The following VPS13D variants were observed in gnomAD, a reference collection of about 807,000 sequenced individuals.
VPS13D encodes the protein intermembrane lipid transfer protein VPS13D.
VPS13D carries 187 observed loss-of-function variants against 461.9 expected under a neutral mutation model. The ratio of observed to expected loss-of-function variants is 0.40; its 90% CI spans 0.36 to 0.46. The LOEUF (loss-of-function observed/expected upper bound fraction) is 0.46, where lower values mean the gene tolerates loss of function less well. Ranked by LOEUF, VPS13D falls within the 20% of genes least tolerant of loss-of-function variation. The probability of loss-of-function intolerance (pLI) is 0.60; values close to 1 mark genes in which losing one functional copy is unlikely to be tolerated. For missense variants in VPS13D, 4,711 were observed against 5,364.9 expected, an observed-to-expected ratio of 0.88 and a Z score of 3.81; for synonymous variants, 1,951 against 1,986.3, an observed-to-expected ratio of 0.98 and a Z score of 0.47.
chr1:12,256,351 A>G lies in VPS13D; in HGVS notation c.688A>G (p.Met230Val). The change falls in exon 8 of 70, where the codon ATG (methionine) becomes GTG (valine). Residue 230 changes from methionine (M) to valine (V), a missense_variant. Physicochemically the swap from Met to Val is conservative, Grantham distance 21. This residue lies in a region of VPS13D where 4,411 missense variants were observed against 4,937.8 expected (regional missense o/e 0.89). Transcript: ENST00000620676. ...CACACAGGAGGCCATGGCCAGGAGC[A>G]TGGAGAGTCGCAGCCATCACTACGT... ...MELQEAMARS[M>V]ESRSHHYVLE... 2 of 1,613,924 alleles carry G rather than the reference A, an allele frequency of 1.2e-6. No homozygotes were observed. The highest frequency in any genetic ancestry group is 2.2e-5 in the East Asian group (1 of 44,890).
Position 12,341,962 on chromosome 1 carries a change from G to T in VPS13D, c.8732+77G>T. On this transcript the variant is annotated intron_variant, in intron 41 of 69. Transcript: ENST00000620676. Reference sequence around the variant, plus strand: ...TTGTGCCAGCCCAGTAGAGCAAGGTGGGCCCCCTCTTGAGGCTCTTGGGAT... The same window carrying T: ...TTGTGCCAGCCCAGTAGAGCAAGGTTGGCCCCCTCTTGAGGCTCTTGGGAT... 3 of 1,384,968 alleles carry T rather than the reference G, an allele frequency of 2.2e-6. No individual in the cohort carries two copies. In the East Asian group the frequency reaches 7.0e-5, roughly 32 times the overall value. 85.8% of individuals were successfully genotyped at this position (1,384,968 alleles called of 1,614,324 possible).
chr1:12,296,877 T>A (rs544545781), intron 24 of VPS13D, among the ~76,000 whole-genome samples: 2 of 152,298 alleles, frequency 1.3e-5, no homozygotes, highest in African/African-American at 4.8e-5. Context: ...ACGAGATACT[T>A]GTATATTACT....
At chr1:12,289,827 T>G (rs1190789528) in intron 22 of VPS13D, among the ~76,000 whole-genome samples, 4 of 152,024 alleles carry the variant, frequency 2.6e-5, no homozygotes, top group South Asian at 2.1e-4. Context: ...TCCCAGCGAC[T>G]CAGGAGGCTG....
chr1:12,359,991 G>T (rs946205387), intron 50 of VPS13D, among the ~76,000 whole-genome samples: 1 of 152,194 alleles, frequency 6.6e-6, no homozygotes, highest in Non-Finnish European at 1.5e-5. Context: ...GACAAATTGG[G>T]ATGGGAGGAG....
At chr1:12,403,791 C>A (rs1436652915) in intron 62 of VPS13D, 34 bp from the exon 63 acceptor site, 2 of 1,548,750 alleles carry the variant, frequency 1.3e-6, no homozygotes, top group Non-Finnish European at 1.7e-6. Context: ...CTAAGAAATT[C>A]TTTTTTGTTT....
chr1:12,461,771 G>A (rs1023339536), intron 67 of VPS13D, among the ~76,000 whole-genome samples: 2 of 152,172 alleles, frequency 1.3e-5, no homozygotes, highest in African/African-American at 4.8e-5. Flanking sequence ...AGGGTTCAAG[G>A]TATATGTGAT....
At chr1:12,261,858 C>T (rs751788328) in intron 12 of VPS13D, 43 bp from the exon 13 acceptor site, 1 of 1,516,682 alleles carries the variant, frequency 6.6e-7, no homozygotes, top group Admixed American at 1.9e-5. Flanking sequence ...CTTTTTTATT[C>T]TTCCACGTTT....
At chr1:12,333,506 A>C in intron 38 of VPS13D, 140 bp downstream of exon 38, 2 of 1,018,680 alleles carry the variant, frequency 2.0e-6, no homozygotes, top group Non-Finnish European at 1.4e-6. Context: ...TTCCTGATCA[A>C]CCCTAATAGC....
intron 1 of VPS13D, among the ~76,000 whole-genome samples, chr1:12,231,861 G>T (rs963631693): frequency 5.9e-5 from 9 of 152,110 alleles, no homozygotes; most frequent in South Asian, 2.1e-4. Flanking sequence ...GGTGGCAGGT[G>T]CCTGTAATCC....
chr1:12,356,505 G>T lies in VPS13D; in HGVS notation c.9979G>T (p.Asp3327Tyr). 1 of 1,613,664 alleles carries T rather than the reference G, an allele frequency of 6.2e-7. No individual in the cohort carries two copies. Among genetic ancestry groups the T allele is most frequent in the South Asian group, 1.1e-5 (1 of 90,954 alleles). The change falls in exon 49 of 70, where the codon GAC becomes TAC. Residue 3327 changes from aspartate (D) to tyrosine (Y), a missense_variant. Asp to Tyr is a radical substitution (Grantham distance 160, BLOSUM62 -3). Coordinates refer to ENST00000620676, the MANE Select transcript of VPS13D (RefSeq NM_015378.4). The stretch of plus-strand genomic sequence containing the variant: ...GAGTCCTCTCTTATTCTGCTATGCT[G>T]ACAAAGAGCAGCCAAACCTGTGAGT... ...SLSPLLFCYA[D>Y]KEQPNLCTMR...
At chr1:12,434,897 A>G (rs1229783719) in intron 65 of VPS13D, among the ~76,000 whole-genome samples, 1 of 152,222 alleles carries the variant, frequency 6.6e-6, no homozygotes, top group Non-Finnish European at 1.5e-5. Context: ...GTGGTCTGAT[A>G]AGGAGTAACA....
chr1:12,321,940 T>G lies in VPS13D; in HGVS notation c.7680T>G (p.Ser2560Arg). Residue 2560 changes from serine to arginine, a missense_variant, in exon 33 of 70, where the codon AGT (serine) becomes AGG (arginine). By Grantham distance (110) the Ser-to-Arg change is moderately radical. This residue lies in a region of VPS13D where 4,411 missense variants were observed against 4,937.8 expected (regional missense o/e 0.89). Coordinates refer to ENST00000620676, the MANE Select transcript of VPS13D (RefSeq NM_015378.4). ...NSSGLMDAFN[S>R]EDFPPVLEIQ... is the part of the protein sequence containing the mutation. ...CAGGATTGATGGATGCATTCAATAGTGAAGATTTCCCACCTGTCCTGGAGG... is the reference window on the plus strand; with the variant it reads ...CAGGATTGATGGATGCATTCAATAGGGAAGATTTCCCACCTGTCCTGGAGG... 1 of 1,613,518 alleles carries G rather than the reference T, an allele frequency of 6.2e-7. No homozygotes were observed. The highest frequency in any genetic ancestry group is 8.5e-7 in the Non-Finnish European group (1 of 1,179,832).
At chr1:12,467,368 C>T (rs1306437251) in intron 67 of VPS13D, among the ~76,000 whole-genome samples, 1 of 152,184 alleles carries the variant, frequency 6.6e-6, no homozygotes, top group East Asian at 1.9e-4. Context: ...GATGGGGTTT[C>T]ACCATGTTGG....
At position 12,319,663 on chromosome 1, in the gene VPS13D, G is replaced by T. The variant is rs754371644; in HGVS notation, c.7548+33G>T. 3.1e-6 allele frequency: 5 copies of T among 1,613,412 alleles called. No individual in the cohort carries two copies. In the Admixed American group the frequency reaches 6.7e-5, roughly 22 times the overall value. ...GTCTATGTGTTGATCACAGCACTGCGTGTTGGCTCACGAGCAAAGCATCTG... is the reference window on the plus strand; with the variant it reads ...GTCTATGTGTTGATCACAGCACTGCTTGTTGGCTCACGAGCAAAGCATCTG... On this transcript the variant is annotated intron_variant, in intron 32 of 69. Coordinates refer to ENST00000620676, the MANE Select transcript of VPS13D (RefSeq NM_015378.4).
At chr1:12,332,318 G>C (rs911064229) in intron 37 of VPS13D, among the ~76,000 whole-genome samples, 2 of 152,210 alleles carry the variant, frequency 1.3e-5, no homozygotes, top group African/African-American at 4.8e-5. Flanking sequence ...TTCAGAAGTA[G>C]AATGGATAAA....
At chr1:12,490,946 A>C (rs1645872384) in intron 67 of VPS13D, among the ~76,000 whole-genome samples, 2 of 152,148 alleles carry the variant, frequency 1.3e-5, no homozygotes, top group South Asian at 4.2e-4. Flanking sequence ...CAATTCGTCT[A>C]CTCTACTGCA....
intron 36 of VPS13D, among the ~76,000 whole-genome samples, chr1:12,328,454 C>T (rs1643248664): frequency 1.3e-5 from 2 of 151,798 alleles, no homozygotes; most frequent in South Asian, 2.1e-4. Context: ...TCCTGCTTCC[C>T]GAGTGGCTAG....
intron 2 of VPS13D, among the ~76,000 whole-genome samples, chr1:12,241,586 C>T (rs369492167): frequency 4.6e-5 from 7 of 152,134 alleles, no homozygotes; most frequent in East Asian, 3.8e-4. Context: ...CTTGCATAGC[C>T]GGGAGAGTGA....
intron 63 of VPS13D, 152 bp downstream of exon 63, chr1:12,404,125 T>G (rs1390043912): frequency 1.2e-5 from 6 of 482,428 alleles, no homozygotes; most frequent in Non-Finnish European, 1.6e-5. Context: ...TTTACAGATT[T>G]CCTTTTTCAG....
Sources: gnomAD v4.1 joint callset for allele counts (sites outside exome capture counted in the v4.1 genomes callset) on GRCh38, gnomAD v4.1.1 for gene constraint, gnomAD v4.1.1 regional missense constraint, MANE v1.5 for transcripts, NCBI Gene and HGNC (gene_info 2026-07-23, HGNC 2026-07-21) for gene names.